HDAC9: variants seen among roughly 807,000 people sequenced by gnomAD.
The protein encoded by HDAC9 is MEF-2 interacting transcription repressor (MITR) protein.
Under a neutral mutation model 139.4 loss-of-function variants are expected in HDAC9, and 41 were observed. The ratio of observed to expected loss-of-function variants is 0.29; its 90% CI spans 0.23 to 0.38. The LOEUF is 0.38. Among genes scored for constraint, HDAC9 ranks in the 10% least tolerant of loss-of-function variants. The pLI, the probability that HDAC9 is intolerant of heterozygous loss-of-function variation, is 1.00. For synonymous variants in HDAC9, 517 were observed against 476.2 expected (o/e 1.09, Z -1.12); for missense variants, 1,147 against 1,297.0 (o/e 0.88, Z 1.78).
chr7:18,409,008 C>A (rs1015799005), intron 1 of HDAC9, among the ~76,000 whole-genome samples: 1 of 152,096 alleles, frequency 6.6e-6, no homozygotes, highest in Non-Finnish European at 1.5e-5. Flanking sequence ...TAACTTTATG[C>A]CCTCCATAAG....
rs191933485 is a variant in HDAC9, at chr7:18,896,977, T to C, written c.2803+22381T>C. Among the ~76,000 whole-genome samples the C allele has an allele frequency of 2.0e-5, 3 of 152,170 alleles. No individual in the cohort carries two copies. In the East Asian group the frequency reaches 5.8e-4, roughly 29 times the overall value. ...TAAACATGAACACAGAAAAATAAGG[T>C]GTTTTGAACTACTTCTGCATACAAT... On this transcript the variant is annotated intron_variant, in intron 22 of 25. Transcript: ENST00000686413.
intron 16 of HDAC9, among the ~76,000 whole-genome samples, chr7:18,778,283 C>A (rs775504358): frequency 1.6e-4 from 24 of 151,804 alleles, no homozygotes; most frequent in Admixed American, 3.3e-4. Context: ...CAAACATCAT[C>A]AATTCTGGGT....
chr7:18,852,846 CTTT>C (rs200653040), intron 21 of HDAC9, among the ~76,000 whole-genome samples: 1 of 144,748 alleles, frequency 6.9e-6, no homozygotes, highest in Non-Finnish European at 1.5e-5. Flanking sequence ...AGTAAAGGAG[CTTT>C]TTTTTTTTCC....
At chr7:18,528,406 A>G (rs1350270543) in intron 2 of HDAC9, among the ~76,000 whole-genome samples, 4 of 152,122 alleles carry the variant, frequency 2.6e-5, no homozygotes. Context: ...AGGTAAAATG[A>G]TATATTTATA....
chr7:18,827,441 A>G (rs540258562), intron 17 of HDAC9, among the ~76,000 whole-genome samples: 1 of 152,168 alleles, frequency 6.6e-6, no homozygotes. Context: ...TCTAGAAAGT[A>G]TCTAATGAAT....
chr7:18,724,295 A>G (rs1005044383), intron 12 of HDAC9, among the ~76,000 whole-genome samples: 1 of 152,174 alleles, frequency 6.6e-6, no homozygotes, highest in Non-Finnish European at 1.5e-5. Context: ...GGTATAGCCT[A>G]CTATGTACCT....
chr7:18,221,106 C>CTTTTTTTTTTTTTTTTTTTTTT (rs537033538), intron 2 of HDAC9, among the ~76,000 whole-genome samples: 41 of 139,668 alleles, frequency 2.9e-4, no homozygotes, highest in African/African-American at 1.0e-3. Flanking sequence ...ATTTCTATTC[C>CTTTTTTTTTTTTTTTTTTTTTT]TTTTTTTTTT....
At chr7:18,195,846 A>G (rs1562735195) in intron 2 of HDAC9, among the ~76,000 whole-genome samples, 1 of 152,110 alleles carries the variant, frequency 6.6e-6, no homozygotes, top group Non-Finnish European at 1.5e-5. Flanking sequence ...ACGTGAACAC[A>G]TATATTATGT....
At position 18,495,961 on chromosome 7, in the gene HDAC9, C is replaced by T. The variant is rs1287169153; in HGVS notation, c.-104C>T. On this transcript the variant is annotated 5_prime_UTR_variant, in exon 1 of 26. Coordinates refer to ENST00000686413, the MANE Select transcript of HDAC9 (RefSeq NM_178425.4). ...CCTATTTCCCACCTGCTTGTAGTTTCCGGGATAACCTAAACTCCAGAGAGC... is the reference window on the plus strand; with the variant it reads ...CCTATTTCCCACCTGCTTGTAGTTTTCGGGATAACCTAAACTCCAGAGAGC... 8.0e-7 allele frequency: 1 copy of T among 1,255,378 alleles called. No individual in the cohort carries two copies. The highest frequency in any genetic ancestry group is 1.0e-6 in the Non-Finnish European group (1 of 1,001,904). The allele number at this position is 1,255,378 out of a possible 1,614,324, so 77.8% of individuals were successfully genotyped here. A position where few individuals can be genotyped will look rare whatever the true frequency, so the allele number is the denominator to read the frequency against.
In HDAC9 at chr7:18,087,881, G is replaced by C. The variant is rs1451230450; in HGVS notation, c.-97+668G>C. 3.9e-5 allele frequency: 6 copies of C among 152,526 alleles called. No individual in the cohort carries two copies. In the East Asian group the frequency reaches 1.2e-3, roughly 29 times the overall value. 9.4% of individuals were successfully genotyped at this position (152,526 alleles called of 1,614,324 possible). Reference sequence around the variant, plus strand: ...CTTTGAAGCCGTTATCCCCTTGTCCGCAATGAGAGGTGCTGGTGTCAGGCC... The same window carrying C: ...CTTTGAAGCCGTTATCCCCTTGTCCCCAATGAGAGGTGCTGGTGTCAGGCC... On this transcript the variant is annotated intron_variant, in intron 1 of 12. Transcript: ENST00000417496.
At chr7:18,976,904 G>A (rs1371176873) in intron 25 of HDAC9, among the ~76,000 whole-genome samples, 1 of 152,174 alleles carries the variant, frequency 6.6e-6, no homozygotes, top group Non-Finnish European at 1.5e-5. Context: ...TAATTACGCA[G>A]ATCCTGCTAC....
At chr7:18,376,713 T>C (rs745861063) in intron 1 of HDAC9, among the ~76,000 whole-genome samples, 12 of 152,086 alleles carry the variant, frequency 7.9e-5, no homozygotes, top group Non-Finnish European at 1.6e-4. Flanking sequence ...ACCTGGAAAC[T>C]ATAGATTAAC....
At chr7:18,242,902 A>C (rs886098593) in intron 2 of HDAC9, among the ~76,000 whole-genome samples, 4 of 152,214 alleles carry the variant, frequency 2.6e-5, no homozygotes, top group Non-Finnish European at 5.9e-5. Flanking sequence ...TGTTGACAGA[A>C]AGAGACCTTC....
chr7:18,242,306 C>A (rs1794240811), intron 2 of HDAC9, among the ~76,000 whole-genome samples: 1 of 152,144 alleles, frequency 6.6e-6, no homozygotes. Context: ...ATTTTCTTTT[C>A]ATTAATCCTT....
intron 1 of HDAC9, among the ~76,000 whole-genome samples, chr7:18,353,099 T>C (rs1227181679): frequency 6.6e-6 from 1 of 152,192 alleles, no homozygotes; most frequent in East Asian, 1.9e-4. Context: ...CAACTCTTTA[T>C]GTAATCAAAC....
At chr7:18,815,480 A>G (rs1436524042) in intron 17 of HDAC9, among the ~76,000 whole-genome samples, 1 of 152,220 alleles carries the variant, frequency 6.6e-6, no homozygotes, top group Non-Finnish European at 1.5e-5. Context: ...TATTTTCATA[A>G]AAGGCTCAAC....
chr7:18,905,071 G>T (rs1023762308), intron 22 of HDAC9, among the ~76,000 whole-genome samples: 18 of 151,328 alleles, frequency 1.2e-4, no homozygotes, highest in African/African-American at 3.4e-4. Context: ...GCTAATTTTT[G>T]GTTTTTTAGC....
intron 1 of HDAC9, among the ~76,000 whole-genome samples, chr7:18,486,764 G>T (rs2128131850): frequency 1.3e-5 from 2 of 151,950 alleles, no homozygotes; most frequent in Non-Finnish European, 2.9e-5. Context: ...AACATGTTTG[G>T]GTATAATTTC....
intron 23 of HDAC9, among the ~76,000 whole-genome samples, chr7:18,952,902 A>AC (rs1470646292): frequency 2.2e-4 from 33 of 151,914 alleles, no homozygotes; most frequent in African/African-American, 6.7e-4. Flanking sequence ...GCTAAGAAAA[A>AC]CACTCTGGAA....
Sources: allele counts gnomAD v4.1 joint callset (sites outside exome capture counted in the v4.1 genomes callset), GRCh38; gene constraint gnomAD v4.1.1; transcripts MANE v1.5; gene names NCBI Gene and HGNC (gene_info 2026-07-23, HGNC 2026-07-21).